Variants in PMS1 observed in about 807,000 individuals in gnomAD.
The protein encoded by PMS1 is PMS1 protein homolog 1.
Under a neutral mutation model 93.1 loss-of-function variants are expected in PMS1, and 79 were observed. That is an observed-to-expected ratio of 0.85 (90% CI 0.71 to 1.02). PMS1 has a LOEUF of 1.02. Among genes scored for constraint, PMS1 ranks in the 50% least tolerant of loss-of-function variants. The pLI is 0.00. For missense variants in PMS1, 1,064 were observed against 1,085.3 expected (o/e 0.98, Z 0.28); for synonymous variants, 335 against 363.4 (o/e 0.92, Z 0.89).
Position 189,864,111 on chromosome 2 carries a change from CAG to C in PMS1, c.2228_2229del (p.Glu743GlyfsTer8), listed in dbSNP as rs2056322929. On this transcript the variant is annotated frameshift_variant, in exon 10 of 13. Transcript: ENST00000441310. LOFTEE classifies it high-confidence loss of function. ...GATGCATGGCTAATGACATCCAAAA[CAG>C]AGGTAATGTTATTAAATCCATATAG... The C allele has an allele frequency of 1.2e-6, 2 of 1,613,216 alleles. No individual in the cohort carries two copies. Among genetic ancestry groups the C allele is most frequent in the African/African-American group, 2.7e-5 (2 of 74,766 alleles).
intron 11 of PMS1, among the ~76,000 whole-genome samples, chr2:189,872,659 G>A (rs959122098): frequency 6.6e-6 from 1 of 152,122 alleles, no homozygotes; most frequent in Non-Finnish European, 1.5e-5. Context: ...TTGAGATGGA[G>A]TCTTGCTCTG....
At chr2:189,865,638 C>G (rs2056587591) in intron 10 of PMS1, among the ~76,000 whole-genome samples, 1 of 151,970 alleles carries the variant, frequency 6.6e-6, no homozygotes, top group African/African-American at 2.4e-5. Context: ...TCTATATGAG[C>G]AAATTGCTTT....
intron 4 of PMS1, among the ~76,000 whole-genome samples, chr2:189,811,391 C>A: frequency 6.6e-6 from 1 of 151,744 alleles, no homozygotes; most frequent in Non-Finnish European, 1.5e-5. Context: ...AGTTTAAGAC[C>A]AGCCTGGCCA....
rs560615738 is a variant in PMS1, at chr2:189,820,422, T to G, written c.582+2242T>G. Among the ~76,000 whole-genome samples, 23 of 152,220 alleles carry G rather than the reference T, an allele frequency of 1.5e-4. No individual in the cohort carries two copies. In the East Asian group the frequency reaches 4.4e-3, roughly 29 times the overall value. ...AGCAATCCCTTCCACCTCAGCCTCC[T>G]GAGTAGCTGGGGCTACACATGTGTA... On this transcript the variant is annotated intron_variant, in intron 5 of 12. Coordinates refer to ENST00000441310, the MANE Select transcript of PMS1 (RefSeq NM_000534.5).
chr2:189,814,992 A>G (rs191550046), intron 4 of PMS1, among the ~76,000 whole-genome samples: 261 of 151,898 alleles, frequency 1.7e-3, no homozygotes, highest in African/African-American at 5.9e-3. Flanking sequence ...CCAGCTACTC[A>G]GGAATCTGAA....
chr2:189,806,204 T>C (rs536787127), intron 4 of PMS1: 7 of 284,734 alleles, frequency 2.5e-5, no homozygotes, highest in African/African-American at 1.5e-4. Flanking sequence ...GAAGTTACTG[T>C]ACTTATCACT....
At chr2:189,853,799 G>C in intron 7 of PMS1, 140 bp from the exon 8 acceptor site, 1 of 551,690 alleles carries the variant, frequency 1.8e-6, no homozygotes, top group Non-Finnish European at 3.1e-6. Context: ...TCCCAGGCAT[G>C]AGCCACTGTG....
At chr2:189,849,447 A>G (rs987300603) in intron 6 of PMS1, among the ~76,000 whole-genome samples, 2 of 151,924 alleles carry the variant, frequency 1.3e-5, no homozygotes, top group African/African-American at 4.8e-5. Flanking sequence ...CCTTTTTTTA[A>G]GTGTACGCTA....
intron 9 of PMS1, among the ~76,000 whole-genome samples, chr2:189,860,644 A>G (rs1228375363): frequency 1.3e-5 from 2 of 152,106 alleles, no homozygotes; most frequent in Admixed American, 6.5e-5. Flanking sequence ...AAAAGTAATG[A>G]GAATTAAAGC....
chr2:189,795,699 G>T (rs1420000184), intron 2 of PMS1, 70 bp from the exon 3 acceptor site: 11 of 1,213,580 alleles, frequency 9.1e-6, no homozygotes, highest in Non-Finnish European at 1.3e-5. Flanking sequence ...TCTTTCACTT[G>T]TGTTTCTTTC....
intron 3 of PMS1, among the ~76,000 whole-genome samples, chr2:189,800,480 A>C (rs2049790856): frequency 6.6e-6 from 1 of 152,184 alleles, no homozygotes; most frequent in African/African-American, 2.4e-5. Flanking sequence ...GTTACATTTA[A>C]AAATAAATAT....
At chr2:189,795,587 G>C (rs996633892) in intron 2 of PMS1, among the ~76,000 whole-genome samples, 182 bp from the exon 3 acceptor site, 1 of 152,142 alleles carries the variant, frequency 6.6e-6, no homozygotes, top group Non-Finnish European at 1.5e-5. Flanking sequence ...GAAAACAAGG[G>C]AGTTGCCTGT....
intron 3 of PMS1, among the ~76,000 whole-genome samples, chr2:189,802,482 G>A (rs939341071): frequency 6.6e-6 from 1 of 152,192 alleles, no homozygotes; most frequent in African/African-American, 2.4e-5. Context: ...TGGTCTTGCT[G>A]TCTCTGGTGG....
intron 11 of PMS1, among the ~76,000 whole-genome samples, chr2:189,872,414 A>C: frequency 1.3e-5 from 2 of 152,254 alleles, no homozygotes; most frequent in South Asian, 4.2e-4. Context: ...GCTACTACTT[A>C]TCCAAGATTG....
chr2:189,873,637 A>C lies in PMS1; in HGVS notation c.2615A>C (p.Lys872Thr). The C allele has an allele frequency of 6.2e-7, 1 of 1,605,420 alleles. No individual in the cohort carries two copies. The highest frequency in any genetic ancestry group is 8.5e-7 in the Non-Finnish European group (1 of 1,172,412). The change falls in exon 12 of 13, where the codon AAA becomes ACA. Residue 872 changes from lysine to threonine, a missense_variant. Coordinates refer to ENST00000441310, the MANE Select transcript of PMS1 (RefSeq NM_000534.5). ...AKEVYECRPR[K>T]VISYLEGEAV... ...GAAGTTTATGAATGTAGACCTCGCAAAGTGATAAGTTATTTAGAGGTACGC... is the reference window on the plus strand; with the variant it reads ...GAAGTTTATGAATGTAGACCTCGCACAGTGATAAGTTATTTAGAGGTACGC...
intron 1 of PMS1, 160 bp downstream of exon 1, chr2:189,784,753 A>T (rs2106174116): frequency 6.5e-6 from 1 of 152,890 alleles, no homozygotes; most frequent in South Asian, 2.1e-4. Context: ...GCACACGTGG[A>T]ACGCGTTTTC....
chr2:189,858,359 T>C (rs914864391), intron 9 of PMS1, among the ~76,000 whole-genome samples: 42 of 152,162 alleles, frequency 2.8e-4, no homozygotes, highest in Non-Finnish European at 2.9e-5. Context: ...TAGGGTATTA[T>C]GAAAATGATA....
intron 6 of PMS1, 72 bp downstream of exon 6, chr2:189,844,152 A>G (rs1018473968): frequency 6.2e-7 from 1 of 1,604,154 alleles, no homozygotes; most frequent in Non-Finnish European, 8.5e-7. Context: ...CCTTTGGGGG[A>G]GTTACAGTGG....
At chr2:189,822,655 ATGT>A (rs2052036292) in intron 5 of PMS1, among the ~76,000 whole-genome samples, 1 of 152,224 alleles carries the variant, frequency 6.6e-6, no homozygotes, top group Admixed American at 6.5e-5. Context: ...AGAGTAGAAG[ATGT>A]TGTCGTTAGT....
Sources: gnomAD v4.1 joint callset for allele counts (sites outside exome capture counted in the v4.1 genomes callset) on GRCh38, gnomAD v4.1.1 for gene constraint, MANE v1.5 for transcripts, NCBI Gene and HGNC (gene_info 2026-07-23, HGNC 2026-07-21) for gene names.